The following NFAT5 variants were observed in gnomAD, a reference collection of about 807,000 sequenced individuals.
The protein encoded by NFAT5 is nuclear factor of activated T-cells 5.
In NFAT5, 31 loss-of-function variants were observed where a neutral mutation model predicts 166.5. That is an observed-to-expected ratio of 0.19 (90% CI 0.14 to 0.25). The LOEUF (loss-of-function observed/expected upper bound fraction) is 0.25. Among genes scored for constraint, NFAT5 ranks in the 10% least tolerant of loss-of-function variants. The pLI is 1.00. For synonymous variants in NFAT5, 612 were observed against 639.7 expected (o/e 0.96, Z 0.65); for missense variants, 1,449 against 1,821.8 (o/e 0.80, Z 3.72).
At chr16:69,646,127 A>C (rs2035429348) in intron 3 of NFAT5, among the ~76,000 whole-genome samples, 1 of 152,248 alleles carries the variant, frequency 6.6e-6, no homozygotes, top group African/African-American at 2.4e-5. Context: ...CAGGTCCTTT[A>C]AAAAGAGAAA....
intron 2 of NFAT5, among the ~76,000 whole-genome samples, chr16:69,623,573 T>G (rs919272223): frequency 5.9e-5 from 9 of 151,752 alleles, no homozygotes; most frequent in African/African-American, 1.9e-4. Flanking sequence ...AATGGTGTGA[T>G]CTTGGCTCAC....
chr16:69,673,126 T>C (rs930392686), intron 9 of NFAT5, among the ~76,000 whole-genome samples: 4 of 152,144 alleles, frequency 2.6e-5, no homozygotes, highest in Non-Finnish European at 5.9e-5. Flanking sequence ...ATAATAATCA[T>C]AAAAATAAGA....
intron 2 of NFAT5, among the ~76,000 whole-genome samples, chr16:69,584,599 C>G (rs926302333): frequency 6.6e-6 from 1 of 151,322 alleles, no homozygotes; most frequent in Non-Finnish European, 1.5e-5. Context: ...CTCGGTCTTG[C>G]TATATATAGC....
chr16:69,638,953 C>T (rs1370871053), intron 3 of NFAT5, among the ~76,000 whole-genome samples: 5 of 151,986 alleles, frequency 3.3e-5, no homozygotes, highest in African/African-American at 1.2e-4. Context: ...TTGTCTCTGT[C>T]TCTCTCTCTT....
chr16:69,567,926 A>G (rs1038331718), intron 1 of NFAT5, among the ~76,000 whole-genome samples: 2 of 152,216 alleles, frequency 1.3e-5, no homozygotes, highest in African/African-American at 4.8e-5. Context: ...ATACTTTATG[A>G]AAATCTAAGT....
intron 3 of NFAT5, among the ~76,000 whole-genome samples, chr16:69,634,389 G>C (rs1436709531): frequency 6.6e-6 from 1 of 151,848 alleles, no homozygotes; most frequent in Non-Finnish European, 1.5e-5. Flanking sequence ...ATCACTGGGT[G>C]CAAATGACTA....
intron 3 of NFAT5, among the ~76,000 whole-genome samples, chr16:69,628,656 T>C (rs911366748): frequency 6.6e-5 from 10 of 152,232 alleles, no homozygotes; most frequent in African/African-American, 2.2e-4. Context: ...CTTGGTGATA[T>C]AACTGTCAGA....
intron 2 of NFAT5, among the ~76,000 whole-genome samples, chr16:69,601,091 GCA>G (rs570045257): frequency 1.2e-3 from 183 of 151,618 alleles, no homozygotes; most frequent in Non-Finnish European, 1.9e-3. Flanking sequence ...TAGAATTTAC[GCA>G]CACACACATA....
intron 10 of NFAT5, among the ~76,000 whole-genome samples, chr16:69,682,544 G>A (rs2037114515): frequency 6.6e-6 from 1 of 151,952 alleles, no homozygotes; most frequent in Admixed American, 6.6e-5. Flanking sequence ...GCTTGAGCCT[G>A]AGAGATTGAG....
intron 2 of NFAT5, among the ~76,000 whole-genome samples, chr16:69,579,911 A>T (rs2031555160): frequency 6.6e-6 from 1 of 152,166 alleles, no homozygotes; most frequent in Non-Finnish European, 1.5e-5. Context: ...TGTAACGAGG[A>T]ATGGATGAGT....
intron 2 of NFAT5, among the ~76,000 whole-genome samples, chr16:69,578,267 T>G (rs890005512): frequency 2.0e-4 from 31 of 152,222 alleles, no homozygotes; most frequent in African/African-American, 7.5e-4. Context: ...TGTACTCCGA[T>G]ATATAGTTTC....
chr16:69,623,714 T>C (rs774771736), intron 2 of NFAT5, among the ~76,000 whole-genome samples: 1 of 151,242 alleles, frequency 6.6e-6, no homozygotes, highest in Non-Finnish European at 1.5e-5. Flanking sequence ...TCCATGTTGG[T>C]CAGGCTGGTC....
intron 3 of NFAT5, among the ~76,000 whole-genome samples, chr16:69,630,221 C>T (rs1486686773): frequency 2.0e-5 from 3 of 152,116 alleles, no homozygotes; most frequent in Non-Finnish European, 4.4e-5. Flanking sequence ...CAGGGTCTTA[C>T]TATGCTGCTT....
At chr16:69,659,246 G>A (rs762045829) in intron 6 of NFAT5, among the ~76,000 whole-genome samples, 1 of 151,512 alleles carries the variant, frequency 6.6e-6, no homozygotes, top group Admixed American at 6.6e-5. Flanking sequence ...GTTCAAGACC[G>A]GCCTGGCCAA....
rs765529666 is a variant in NFAT5, at chr16:69,661,082, C to CTTT, written c.1369+1198_1369+1200dup. ...ACTCCTCCCAGCACCCCCCACCACC[C>CTTT]TTTTTTTTTTTTTTTTTGTTAGATT... is the stretch of plus-strand genomic sequence containing the variant. On this transcript the variant is annotated intron_variant, in intron 7 of 14. Coordinates refer to ENST00000349945, the MANE Select transcript of NFAT5 (RefSeq NM_138713.4). Among the ~76,000 whole-genome samples the CTTT allele has an allele frequency of 3.0e-3, 378 of 127,124 alleles. 7 individuals are homozygous for CTTT. Among genetic ancestry groups the CTTT allele is most frequent in the African/African-American group, 9.6e-3 (321 of 33,416 alleles). The allele number at this position is 127,124 out of a possible 152,430, so 83.4% of individuals were successfully genotyped here.
In NFAT5 at chr16:69,660,972, G is replaced by T. The variant is rs963896283; in HGVS notation, c.1369+1073G>T. On this transcript the variant is annotated intron_variant, in intron 7 of 14. Transcript: ENST00000349945. ...TACAGGTGTGTGCCACTAGCACCTG[G>T]CTAATTTTTGTATTTTTAGTAGAGG... Among the ~76,000 whole-genome samples, 9 of 151,636 alleles carry T rather than the reference G, an allele frequency of 5.9e-5. 1 individual carries two copies. Among genetic ancestry groups the T allele is most frequent in the Admixed American group, 5.9e-4 (9 of 15,222 alleles).
In NFAT5 at chr16:69,659,915, C is replaced by T. The variant is rs370755900; in HGVS notation, c.1369+16C>T. On this transcript the variant is annotated intron_variant, in intron 7 of 14. Coordinates refer to ENST00000349945, the MANE Select transcript of NFAT5 (RefSeq NM_138713.4). ...ATTTTGTGTAGTAAGTAAGAAGATA[C>T]GGAGATACTAAACATATGGAGTTTC... 1.2e-4 allele frequency: 187 copies of T among 1,568,320 alleles called. No homozygotes were observed. In the African/African-American group the frequency reaches 1.5e-3, roughly 12 times the overall value.
In NFAT5 at chr16:69,698,038, T is replaced by G. The variant is rs2037818305; in HGVS notation, c.*1687T>G. On this transcript the variant is annotated 3_prime_UTR_variant, in exon 15 of 15. Coordinates refer to ENST00000349945, the MANE Select transcript of NFAT5 (RefSeq NM_138713.4). ...AGCCAGATTTTTCCTTCTTTTTGTT[T>G]TGTGATGATCTTCCTTTGTTCTTTG... is the stretch of plus-strand genomic sequence containing the variant. 6.6e-6 allele frequency: 1 copy of G among 152,328 alleles called. No individual in the cohort carries two copies. Among genetic ancestry groups the G allele is most frequent in the South Asian group, 2.1e-4 (1 of 4,818 alleles). 9.4% of individuals were successfully genotyped at this position (152,328 alleles called of 1,614,324 possible).
intron 2 of NFAT5, among the ~76,000 whole-genome samples, chr16:69,570,953 C>G (rs1243590619): frequency 1.3e-5 from 2 of 151,868 alleles, no homozygotes; most frequent in Admixed American, 6.6e-5. Flanking sequence ...TTAGCACATG[C>G]TAAGTGCTCA....
Sources: gnomAD v4.1 joint callset for allele counts (sites outside exome capture counted in the v4.1 genomes callset) on GRCh38, gnomAD v4.1.1 for gene constraint, MANE v1.5 for transcripts, NCBI Gene and HGNC (gene_info 2026-07-23, HGNC 2026-07-21) for gene names.